The following DGKK variants were observed in gnomAD, a reference collection of about 807,000 sequenced individuals.
DGKK encodes the protein 142 kDa diacylglycerol kinase.
In DGKK, 35 loss-of-function variants were observed where a neutral mutation model predicts 92.2. The observed-to-expected ratio is 0.38, with a 90% CI of 0.29 to 0.50. The LOEUF is 0.50. Ranked by LOEUF, DGKK falls within the 20% of genes least tolerant of loss-of-function variation. The pLI is 0.92. For synonymous variants in DGKK, 368 were observed against 360.6 expected (o/e 1.02, Z -0.23); for missense variants, 910 against 992.2 (o/e 0.92, Z 1.11).
chrX:50,369,232 G>T (rs1557222825), intron 27 of DGKK, among the ~76,000 whole-genome samples: 3 of 110,586 alleles, frequency 2.7e-5, no homozygotes, highest in Non-Finnish European at 3.8e-5. Flanking sequence ...ATAATTTATG[G>T]AACTGATATT....
chrX:50,385,022 G>T (rs188927273), intron 15 of DGKK, among the ~76,000 whole-genome samples, 198 bp from the exon 16 acceptor site: 1 of 112,101 alleles, frequency 8.9e-6, no homozygotes, highest in Non-Finnish European at 1.9e-5. Context: ...GATACTGTTT[G>T]TAGTCTCAGC....
chrX:50,459,711 AGT>A (rs1926697473), intron 1 of DGKK, among the ~76,000 whole-genome samples: 3 of 111,609 alleles, frequency 2.7e-5, no homozygotes, highest in Non-Finnish European at 5.6e-5. Context: ...AAGAGAGTTA[AGT>A]AGTTTGCACT....
At chrX:50,428,430 T>C (rs4826631) in intron 1 of DGKK, among the ~76,000 whole-genome samples, 33,515 of 109,687 alleles carry the variant, frequency 0.31, 3,936 homozygotes, top group Admixed American at 0.41. Flanking sequence ...AAGAACAGAA[T>C]GTCAAGGCTA....
intron 1 of DGKK, among the ~76,000 whole-genome samples, chrX:50,438,224 C>A (rs1353293683): frequency 9.0e-6 from 1 of 110,971 alleles, no homozygotes; most frequent in Non-Finnish European, 1.9e-5. Context: ...CCTCCTCTTG[C>A]CCCTTCCACC....
At chrX:50,468,330 A>T in intron 1 of DGKK, among the ~76,000 whole-genome samples, 1 of 111,339 alleles carries the variant, frequency 9.0e-6, no homozygotes, top group Non-Finnish European at 1.9e-5. Context: ...TTCGCTTAAG[A>T]TGGCCACAGG....
At chrX:50,436,401 C>T (rs191455153) in intron 1 of DGKK, among the ~76,000 whole-genome samples, 4 of 111,881 alleles carry the variant, frequency 3.6e-5, no homozygotes, top group Non-Finnish European at 7.5e-5. Flanking sequence ...GCTAAAATCT[C>T]TCTTGAGGTT....
intron 1 of DGKK, among the ~76,000 whole-genome samples, chrX:50,469,457 C>T (rs782316819): frequency 1.2e-3 from 132 of 112,911 alleles, no homozygotes; most frequent in African/African-American, 3.9e-3. Flanking sequence ...ATCCCCTCGT[C>T]CTCACCAGGA....
chrX:50,374,464 G>A, intron 25 of DGKK, among the ~76,000 whole-genome samples: 1 of 111,677 alleles, frequency 9.0e-6, no homozygotes, highest in Non-Finnish European at 1.9e-5. Context: ...ATACATTTCT[G>A]TTGTTTGAGG....
intron 2 of DGKK, among the ~76,000 whole-genome samples, chrX:50,423,738 T>C (rs188419219): frequency 2.7e-5 from 3 of 112,104 alleles, no homozygotes; most frequent in African/African-American, 9.7e-5. Context: ...AGTGATTCTT[T>C]ATTTGAATTA....
In DGKK at chrX:50,390,319, AGTAG is replaced by A; in HGVS notation, c.1926+5_1926+8del. On this transcript the variant is annotated splice_donor_5th_base_variant and intron_variant, in intron 12 of 27. Transcript: ENST00000611977. ...ATATTGGTCTGAATTACAGCTGAAC[AGTAG>A]TTACCTCAAATCGTGGTACATCCAT... 8.3e-7 allele frequency: 1 copy of A among 1,207,134 alleles called. No individual in the cohort carries two copies. Among genetic ancestry groups the A allele is most frequent in the Non-Finnish European group, 1.1e-6 (1 of 891,367 alleles).
intron 1 of DGKK, among the ~76,000 whole-genome samples, chrX:50,427,902 T>C (rs1432586459): frequency 1.8e-5 from 2 of 111,016 alleles, no homozygotes; most frequent in African/African-American, 6.5e-5. Context: ...GTTAAAATTG[T>C]TAAAGGAACA....
chrX:50,395,797 C>A (rs868909248), intron 8 of DGKK, among the ~76,000 whole-genome samples: 100 of 81,098 alleles, frequency 1.2e-3, no homozygotes, highest in South Asian at 3.2e-3. Flanking sequence ...AGAACATTGG[C>A]AAAAAAAAAA....
intron 24 of DGKK, among the ~76,000 whole-genome samples, chrX:50,375,490 T>C (rs192528762): frequency 1.8e-5 from 2 of 111,928 alleles, no homozygotes; most frequent in Non-Finnish European, 3.8e-5. Flanking sequence ...CCTCCAACTG[T>C]AATCAGGCCC....
At chrX:50,460,803 T>G (rs1375051943) in intron 1 of DGKK, among the ~76,000 whole-genome samples, 4 of 111,743 alleles carry the variant, frequency 3.6e-5, no homozygotes, top group African/African-American at 1.3e-4. Flanking sequence ...TTGTGGATAA[T>G]GTCCTCATAT....
rs936466750 is a variant in DGKK at position 50,392,217 on chromosome X, A to G, written c.1704+124T>C. The G allele has an allele frequency of 1.2e-5, 6 of 498,234 alleles. No homozygotes were observed. In the African/African-American group the frequency reaches 1.4e-4, roughly 12 times the overall value. The allele number at this position is 498,234 out of a possible 1,213,427, so 41.1% of individuals were successfully genotyped here. On this transcript the variant is annotated intron_variant, in intron 10 of 27. Transcript: ENST00000611977. ...TGGGAATCTACCAGTCAGGCTGAAT[A>G]TGAAACCTGGGGGAAACATATTTTA... is the stretch of plus-strand genomic sequence containing the variant.
chrX:50,398,185 G>C (rs782305121), intron 8 of DGKK, among the ~76,000 whole-genome samples: 6 of 111,807 alleles, frequency 5.4e-5, no homozygotes, highest in African/African-American at 1.9e-4. Flanking sequence ...CATGACTTCA[G>C]CTGGGTGCTG....
intron 4 of DGKK, among the ~76,000 whole-genome samples, chrX:50,412,036 C>A (rs1376287484): frequency 9.0e-6 from 1 of 111,193 alleles, no homozygotes; most frequent in African/African-American, 3.3e-5. Context: ...ATCCCAAATC[C>A]AAAAATCTGA....
intron 1 of DGKK, among the ~76,000 whole-genome samples, chrX:50,440,903 G>T (rs1311080387): frequency 1.8e-5 from 2 of 111,921 alleles, no homozygotes; most frequent in Non-Finnish European, 3.8e-5. Context: ...GTATAGAGTA[G>T]GTGGGCATAG....
rs978895955 is a variant in DGKK, at chrX:50,388,068, G to T, written c.2019-415C>A. ...TCCCTGTGGGAAGTTTTTCTCAAAGGAGAGTGTAGTCGACTGGGCAGGAGC... is the reference window on the plus strand; with the variant it reads ...TCCCTGTGGGAAGTTTTTCTCAAAGTAGAGTGTAGTCGACTGGGCAGGAGC... On this transcript the variant is annotated intron_variant, in intron 13 of 27. Transcript: ENST00000611977. 4.2e-4 allele frequency among the ~76,000 whole-genome samples: 47 copies of T among 112,435 alleles called. 1 individual carries two copies. Among genetic ancestry groups the T allele is most frequent in the Middle Eastern group, 9.3e-3 (2 of 216 alleles).
Sources: gnomAD v4.1 joint callset for allele counts (sites outside exome capture counted in the v4.1 genomes callset) on GRCh38, gnomAD v4.1.1 for gene constraint, MANE v1.5 for transcripts, NCBI Gene and HGNC (gene_info 2026-07-23, HGNC 2026-07-21) for gene names.